Variants in NEBL observed in about 807,000 individuals in gnomAD.
NEBL encodes nebulette.
Under a neutral mutation model 140.2 loss-of-function variants are expected in NEBL, and 122 were observed. The observed-to-expected ratio is 0.87, with a 90% CI of 0.75 to 1.01. The LOEUF (loss-of-function observed/expected upper bound fraction) is 1.01. Among genes scored for constraint, NEBL ranks in the 50% least tolerant of loss-of-function variants. The probability of loss-of-function intolerance (pLI) is 0.00; values close to 1 mark genes in which losing one functional copy is unlikely to be tolerated. For synonymous variants in NEBL, 436 were observed against 398.9 expected, an observed-to-expected ratio of 1.09 and a Z score of -1.11; for missense variants, 1,365 against 1,231.3, an observed-to-expected ratio of 1.11 and a Z score of -1.62.
chr10:21,082,128 C>T (rs1322454533), intron 2 of NEBL, among the ~76,000 whole-genome samples: 1 of 152,026 alleles, frequency 6.6e-6, no homozygotes, highest in Non-Finnish European at 1.5e-5. Flanking sequence ...TCACCCAAAC[C>T]GAAACTGAGG....
At chr10:21,249,413 T>C (rs1247816746) in intron 2 of NEBL, among the ~76,000 whole-genome samples, 2 of 152,104 alleles carry the variant, frequency 1.3e-5, no homozygotes, top group Non-Finnish European at 2.9e-5. Context: ...TTTTCTTTTG[T>C]TGCCCATGCT....
intron 5 of NEBL, among the ~76,000 whole-genome samples, chr10:20,880,167 C>T (rs1006483719): frequency 1.3e-5 from 2 of 152,090 alleles, no homozygotes; most frequent in African/African-American, 4.8e-5. Flanking sequence ...TCAAGACCAG[C>T]CTGGCCTAGA....
chr10:21,082,985 C>T (rs1049771443), intron 2 of NEBL, among the ~76,000 whole-genome samples: 1 of 152,124 alleles, frequency 6.6e-6, no homozygotes. Context: ...TGGTCTCGAA[C>T]TCCTGACCTC....
intron 21 of NEBL, 114 bp from the exon 22 acceptor site, chr10:20,815,831 C>T (rs1838673254): frequency 5.1e-6 from 4 of 776,700 alleles, no homozygotes; most frequent in South Asian, 4.3e-5. Flanking sequence ...TGCAGTGGTA[C>T]AATCTTTGCT....
intron 4 of NEBL, among the ~76,000 whole-genome samples, chr10:20,951,668 A>T (rs1056053587): frequency 2.6e-5 from 4 of 152,192 alleles, no homozygotes; most frequent in African/African-American, 9.7e-5. Context: ...ACAGGTTTTA[A>T]ACCTGCCTCT....
intron 3 of NEBL, among the ~76,000 whole-genome samples, chr10:21,007,645 T>C (rs1300038760): frequency 1.3e-5 from 2 of 152,208 alleles, no homozygotes; most frequent in Non-Finnish European, 2.9e-5. Context: ...ATAGGATCAC[T>C]GGCCTCTAGT....
At chr10:20,793,432 T>G in intron 26 of NEBL, 1 of 828,820 alleles carries the variant, frequency 1.2e-6, no homozygotes, top group Middle Eastern at 6.2e-4. Context: ...ATCAGTTACT[T>G]GCAGTGTTTT....
rs1160155048 is a variant in NEBL, at chr10:20,785,209, C to T, written c.*538G>A. On this transcript the variant is annotated 3_prime_UTR_variant, in exon 28 of 28. Transcript: ENST00000377122. ...CTCTGTTTAGTAGAAGTTTCTAGAT[C>T]CCTAAGGCCACCAGTCAATATAATT... 1.8e-5 allele frequency: 3 copies of T among 163,444 alleles called. No homozygotes were observed. Among genetic ancestry groups the T allele is most frequent in the Non-Finnish European group, 4.0e-5 (3 of 74,556 alleles). 10.1% of individuals were successfully genotyped at this position (163,444 alleles called of 1,614,324 possible).
intron 10 of NEBL, among the ~76,000 whole-genome samples, chr10:20,851,184 G>T (rs1417516317): frequency 6.6e-6 from 1 of 151,936 alleles, no homozygotes; most frequent in Non-Finnish European, 1.5e-5. Flanking sequence ...GGCTTTTTAA[G>T]CAATATACTG....
chr10:20,962,307 A>G (rs746958169), intron 3 of NEBL, among the ~76,000 whole-genome samples: 2 of 152,230 alleles, frequency 1.3e-5, no homozygotes, highest in Non-Finnish European at 2.9e-5. Flanking sequence ...AGCCCTGTCC[A>G]AGAAGTTTTT....
At chr10:21,210,995 T>C (rs1232338600) in intron 3 of NEBL, among the ~76,000 whole-genome samples, 1 of 152,188 alleles carries the variant, frequency 6.6e-6, no homozygotes, top group Non-Finnish European at 1.5e-5. Flanking sequence ...CTGTAAAATA[T>C]TATGACCCAA....
intron 1 of NEBL, among the ~76,000 whole-genome samples, chr10:21,287,964 T>C (rs1463640493): frequency 1.3e-5 from 2 of 152,350 alleles, no homozygotes; most frequent in Middle Eastern, 3.4e-3. Context: ...CCATATACTA[T>C]GTGAGTTATT....
intron 7 of NEBL, among the ~76,000 whole-genome samples, chr10:20,864,594 C>T (rs1304222655): frequency 6.6e-6 from 1 of 152,180 alleles, no homozygotes; most frequent in Non-Finnish European, 1.5e-5. Context: ...TCATTGCCTT[C>T]TCTGTTACAA....
At chr10:20,972,042 A>G (rs1836597573) in intron 3 of NEBL, among the ~76,000 whole-genome samples, 1 of 152,382 alleles carries the variant, frequency 6.6e-6, no homozygotes, top group South Asian at 2.1e-4. Flanking sequence ...GTATTACGAA[A>G]TAAGTAATTT....
At chr10:21,146,532 T>C (rs780133984) in intron 2 of NEBL, 4 of 1,579,162 alleles carry the variant, frequency 2.5e-6, no homozygotes, top group East Asian at 4.5e-5. Context: ...TATCAGAAAA[T>C]GGTGAAAATG....
intron 3 of NEBL, among the ~76,000 whole-genome samples, chr10:21,199,183 C>A (rs1026504701): frequency 1.3e-5 from 2 of 151,286 alleles, no homozygotes; most frequent in African/African-American, 4.9e-5. Context: ...AGCCACCACA[C>A]CTGGCCAAAT....
At chr10:20,799,734 A>C (rs1371680364) in intron 26 of NEBL, among the ~76,000 whole-genome samples, 2 of 152,218 alleles carry the variant, frequency 1.3e-5, no homozygotes, top group African/African-American at 4.8e-5. Context: ...AAACCGAAGC[A>C]GTGGCTAAAA....
chr10:21,170,132 C>T (rs1841010248), intron 2 of NEBL: 1 of 152,240 alleles, frequency 6.6e-6, no homozygotes, highest in African/African-American at 2.4e-5. Context: ...CAGTCAATGA[C>T]TCTACTTCAG....
At chr10:21,037,442 GA>G (rs5783762) in intron 2 of NEBL, among the ~76,000 whole-genome samples, 91,713 of 151,426 alleles carry the variant, frequency 0.61, 27,824 homozygotes, top group East Asian at 0.72. Context: ...AAATTGCAAA[GA>G]AAAAAAATGG....
Sources: gnomAD v4.1 joint callset for allele counts (sites outside exome capture counted in the v4.1 genomes callset) on GRCh38, gnomAD v4.1.1 for gene constraint, MANE v1.5 for transcripts, NCBI Gene and HGNC (gene_info 2026-07-23, HGNC 2026-07-21) for gene names.